The following GNA14 variants were observed in gnomAD, a reference collection of about 807,000 sequenced individuals.
GNA14 encodes the protein guanine nucleotide-binding protein subunit alpha-14.
A neutral mutation model predicts 42.0 loss-of-function variants in GNA14; 50 were observed. The ratio of observed to expected loss-of-function variants is 1.19; its 90% CI spans 0.95 to 1.51. The LOEUF is 1.51. Ranked by LOEUF, GNA14 falls within the 40% of genes most tolerant of loss-of-function variation. The pLI, the probability that GNA14 is intolerant of heterozygous loss-of-function variation, is 0.00. For missense variants in GNA14, 473 were observed against 446.2 expected (o/e 1.06, Z -0.54); for synonymous variants, 173 against 163.1 (o/e 1.06, Z -0.46).
At chr9:77,625,292 G>A (rs189535172) in intron 1 of GNA14, among the ~76,000 whole-genome samples, 10 of 152,154 alleles carry the variant, frequency 6.6e-5, no homozygotes, top group East Asian at 3.9e-4. Flanking sequence ...TAAAAGTGAC[G>A]GGGAGAATGG....
At chr9:77,529,004 T>C in intron 2 of GNA14, 65 bp downstream of exon 2, 1 of 1,354,834 alleles carries the variant, frequency 7.4e-7, no homozygotes, top group Non-Finnish European at 1.1e-6. Flanking sequence ...GAGGGAATCT[T>C]TGTGCTAACC....
chr9:77,491,933 A>G (rs1164551294), intron 2 of GNA14, among the ~76,000 whole-genome samples: 1 of 152,236 alleles, frequency 6.6e-6, no homozygotes, highest in Non-Finnish European at 1.5e-5. Flanking sequence ...ACTCTCAACA[A>G]AAGAGTAAAA....
At chr9:77,461,526 T>G (rs3824405) in intron 2 of GNA14, among the ~76,000 whole-genome samples, 62,813 of 152,014 alleles carry the variant, frequency 0.41, 16,485 homozygotes, top group African/African-American at 0.75. Context: ...TTCCATTTTT[T>G]ATTCCAAACT....
chr9:77,514,774 C>T (rs867844266), intron 2 of GNA14, among the ~76,000 whole-genome samples: 16 of 151,928 alleles, frequency 1.1e-4, no homozygotes, highest in African/African-American at 3.1e-4. Flanking sequence ...CCACCACGCC[C>T]GGCTAATTTT....
intron 2 of GNA14, among the ~76,000 whole-genome samples, chr9:77,442,451 G>A (rs1350373624): frequency 1.3e-5 from 2 of 152,216 alleles, no homozygotes; most frequent in African/African-American, 2.4e-5. Flanking sequence ...CAGTGCCCAA[G>A]CAGATGAGCC....
chr9:77,490,550 G>A (rs1054286260), intron 2 of GNA14, among the ~76,000 whole-genome samples: 5 of 152,248 alleles, frequency 3.3e-5, no homozygotes, highest in Non-Finnish European at 7.3e-5. Flanking sequence ...CTAAGGCCTG[G>A]TGAGAAATTG....
At chr9:77,497,601 A>C (rs1418939456) in intron 2 of GNA14, among the ~76,000 whole-genome samples, 1 of 152,196 alleles carries the variant, frequency 6.6e-6, no homozygotes, top group Non-Finnish European at 1.5e-5. Flanking sequence ...TTTTCCACTT[A>C]TCTGTGAACT....
intron 2 of GNA14, among the ~76,000 whole-genome samples, chr9:77,482,774 A>C (rs1469780624): frequency 6.6e-6 from 1 of 151,942 alleles, no homozygotes; most frequent in East Asian, 1.9e-4. Context: ...TTTTTTCTCT[A>C]AACTTCTCTT....
At chr9:77,579,167 T>C (rs1823176052) in intron 1 of GNA14, among the ~76,000 whole-genome samples, 1 of 152,174 alleles carries the variant, frequency 6.6e-6, no homozygotes, top group South Asian at 2.1e-4. Context: ...CTGGAGCATG[T>C]GACTGGCCCT....
chr9:77,643,569 A>G (rs1447333018), intron 1 of GNA14, among the ~76,000 whole-genome samples: 3 of 152,080 alleles, frequency 2.0e-5, no homozygotes, highest in Non-Finnish European at 2.9e-5. Context: ...TAAAACTCAC[A>G]CTATTTGCAC....
In GNA14 at chr9:77,647,893, G is replaced by A. The variant is rs930164192; in HGVS notation, c.-100C>T. 1.3e-5 allele frequency: 18 copies of A among 1,412,180 alleles called. No individual in the cohort carries two copies. The highest frequency in any genetic ancestry group is 1.7e-5 in the Non-Finnish European group (18 of 1,051,664). 87.5% of individuals were successfully genotyped at this position (1,412,180 alleles called of 1,614,324 possible). On this transcript the variant is annotated 5_prime_UTR_variant, in exon 1 of 7. Coordinates refer to ENST00000341700, the MANE Select transcript of GNA14 (RefSeq NM_004297.4). ...GCCAGCATGCGACGGGCACAGGGGT[G>A]TGGAAAGAAAAGACGGGGGCCGACT...
chr9:77,427,152 T>A (rs1205683827), intron 5 of GNA14, among the ~76,000 whole-genome samples: 1 of 152,194 alleles, frequency 6.6e-6, no homozygotes, highest in Non-Finnish European at 1.5e-5. Context: ...TTTCTCCAAA[T>A]ATTTTGTGAT....
intron 1 of GNA14, among the ~76,000 whole-genome samples, chr9:77,559,767 C>T (rs1348834913): frequency 6.6e-6 from 1 of 152,212 alleles, no homozygotes; most frequent in Non-Finnish European, 1.5e-5. Flanking sequence ...CCCAATTTAC[C>T]TAATGAATAG....
intron 2 of GNA14, among the ~76,000 whole-genome samples, chr9:77,494,770 GTTTTT>G (rs1836844133): frequency 1.8e-5 from 2 of 111,124 alleles, no homozygotes; most frequent in South Asian, 3.4e-4. Flanking sequence ...GAGTTGTGGG[GTTTTT>G]GTTTTGTTTT....
At chr9:77,496,925 A>G (rs2131740343) in intron 2 of GNA14, among the ~76,000 whole-genome samples, 1 of 152,334 alleles carries the variant, frequency 6.6e-6, no homozygotes, top group East Asian at 1.9e-4. Context: ...TTGTCAGATA[A>G]CAACATTGAA....
chr9:77,470,818 C>T (rs1836317038), intron 2 of GNA14, among the ~76,000 whole-genome samples: 2 of 152,154 alleles, frequency 1.3e-5, no homozygotes, highest in South Asian at 4.2e-4. Context: ...GAAGCAAGCA[C>T]GTTTTACCAT....
intron 3 of GNA14, 37 bp from the exon 4 acceptor site, chr9:77,431,486 A>G (rs1206246186): frequency 6.3e-7 from 1 of 1,574,880 alleles, no homozygotes; most frequent in East Asian, 2.3e-5. Flanking sequence ...CTCTCCTTTT[A>G]GAGCAGGGGG....
chr9:77,463,131 A>T (rs1483791772), intron 2 of GNA14, among the ~76,000 whole-genome samples: 3 of 152,198 alleles, frequency 2.0e-5, no homozygotes, highest in African/African-American at 7.2e-5. Context: ...CCAAATACAG[A>T]GTCCTACTGC....
At chr9:77,583,675 G>A (rs755486) in intron 1 of GNA14, among the ~76,000 whole-genome samples, 67,128 of 151,936 alleles carry the variant, frequency 0.44, 17,659 homozygotes, top group East Asian at 0.82. Flanking sequence ...CCCTCTAACC[G>A]ACTCCCCCAC....
Sources: allele counts gnomAD v4.1 joint callset (sites outside exome capture counted in the v4.1 genomes callset), GRCh38; gene constraint gnomAD v4.1.1; transcripts MANE v1.5; gene names NCBI Gene and HGNC (gene_info 2026-07-23, HGNC 2026-07-21).